Variants in NKAIN2 observed in about 807,000 individuals in gnomAD.
NKAIN2 encodes sodium/potassium-transporting ATPase subunit beta-1-interacting protein 2.
A neutral mutation model predicts 32.6 loss-of-function variants in NKAIN2; 14 were observed. That is an observed-to-expected ratio of 0.43 (90% confidence interval 0.28 to 0.67). NKAIN2 has a LOEUF of 0.67. Among genes scored for constraint, NKAIN2 ranks in the 30% least tolerant of loss-of-function variants. The probability of loss-of-function intolerance (pLI) is 0.17; values close to 1 mark genes in which losing one functional copy is unlikely to be tolerated. For missense variants in NKAIN2, 198 were observed against 258.3 expected, an observed-to-expected ratio of 0.77 and a Z score of 1.60; for synonymous variants, 80 against 87.2, an observed-to-expected ratio of 0.92 and a Z score of 0.46.
intron 1 of NKAIN2, among the ~76,000 whole-genome samples, chr6:124,034,334 A>C (rs1285468654): frequency 6.6e-6 from 1 of 151,892 alleles, no homozygotes; most frequent in African/African-American, 2.4e-5. Context: ...ATGTGCACCC[A>C]TTGTTTAGCT....
intron 3 of NKAIN2, among the ~76,000 whole-genome samples, chr6:124,563,030 G>A (rs1051488143): frequency 3.3e-5 from 5 of 150,568 alleles, no homozygotes; most frequent in East Asian, 3.9e-4. Context: ...TCAGCCTCCC[G>A]AGTAGCTGGG....
intron 2 of NKAIN2, among the ~76,000 whole-genome samples, chr6:124,295,633 A>C (rs1325609355): frequency 6.6e-6 from 1 of 152,154 alleles, no homozygotes; most frequent in Non-Finnish European, 1.5e-5. Flanking sequence ...AATTAGTATC[A>C]TTTGTAATCT....
chr6:123,878,583 C>A (rs1773289328), intron 1 of NKAIN2, among the ~76,000 whole-genome samples: 1 of 152,000 alleles, frequency 6.6e-6, no homozygotes, highest in Non-Finnish European at 1.5e-5. Context: ...AGGCTATACT[C>A]CATGTTGTGT....
intron 3 of NKAIN2, among the ~76,000 whole-genome samples, chr6:124,435,296 A>G (rs1314399168): frequency 6.6e-6 from 1 of 152,106 alleles, no homozygotes; most frequent in Non-Finnish European, 1.5e-5. Flanking sequence ...ATTAAGTTGT[A>G]TGGAGCAGAA....
intron 4 of NKAIN2, among the ~76,000 whole-genome samples, chr6:124,781,105 T>C (rs1194811639): frequency 6.6e-6 from 1 of 152,168 alleles, no homozygotes; most frequent in Non-Finnish European, 1.5e-5. Flanking sequence ...TTTAAGTGAA[T>C]GTGAATTCAC....
intron 1 of NKAIN2, among the ~76,000 whole-genome samples, chr6:124,274,177 C>G (rs534535617): frequency 6.6e-6 from 1 of 152,134 alleles, no homozygotes; most frequent in South Asian, 2.1e-4. Flanking sequence ...ATTCTATTAA[C>G]TGCATTGATA....
intron 4 of NKAIN2, among the ~76,000 whole-genome samples, chr6:124,711,607 G>A (rs896307973): frequency 4.7e-5 from 7 of 149,758 alleles, no homozygotes; most frequent in Admixed American, 2.0e-4. Flanking sequence ...CCAGTTGATC[G>A]CATCGGCTCC....
chr6:124,027,911 T>C (rs544507976), intron 1 of NKAIN2, among the ~76,000 whole-genome samples: 2 of 152,232 alleles, frequency 1.3e-5, no homozygotes, highest in South Asian at 2.1e-4. Flanking sequence ...TTAATCAAAA[T>C]GTGTGGAGGC....
intron 1 of NKAIN2, among the ~76,000 whole-genome samples, chr6:124,059,711 T>G (rs376918803): frequency 6.6e-6 from 1 of 152,186 alleles, no homozygotes; most frequent in Non-Finnish European, 1.5e-5. Context: ...AGCTTCCATT[T>G]GGTCTTTGGC....
intron 3 of NKAIN2, among the ~76,000 whole-genome samples, chr6:124,535,667 GT>G (rs752077101): frequency 8.5e-5 from 13 of 152,144 alleles, no homozygotes; most frequent in Non-Finnish European, 1.8e-4. Flanking sequence ...CCATGTGTCT[GT>G]TTACACTGAA....
chr6:124,344,312 C>G (rs974697600), intron 2 of NKAIN2, among the ~76,000 whole-genome samples: 1 of 151,962 alleles, frequency 6.6e-6, no homozygotes, highest in African/African-American at 2.4e-5. Context: ...CTTGGTGATG[C>G]GGGCTCTTTT....
chr6:124,679,939 T>G (rs1185225429), intron 4 of NKAIN2, among the ~76,000 whole-genome samples: 1 of 152,260 alleles, frequency 6.6e-6, no homozygotes, highest in Non-Finnish European at 1.5e-5. Context: ...TTAGGCAAAA[T>G]TTTTAAATGT....
chr6:124,767,433 G>A (rs1317645191), intron 4 of NKAIN2, among the ~76,000 whole-genome samples: 2 of 152,060 alleles, frequency 1.3e-5, no homozygotes, highest in Non-Finnish European at 2.9e-5. Context: ...CTAATCCTGA[G>A]GAAATCACTT....
intron 1 of NKAIN2, among the ~76,000 whole-genome samples, chr6:123,916,835 A>ATCTATCTG (rs1266190744): frequency 1.3e-5 from 2 of 151,036 alleles, no homozygotes; most frequent in Non-Finnish European, 3.0e-5. Flanking sequence ...CTATTTATCT[A>ATCTATCTG]TCTATCCTAC....
intron 3 of NKAIN2, among the ~76,000 whole-genome samples, chr6:124,370,683 A>G (rs1488745274): frequency 6.6e-6 from 1 of 152,122 alleles, no homozygotes; most frequent in Non-Finnish European, 1.5e-5. Flanking sequence ...TGACAGAAAA[A>G]TCTCTAGTGA....
chr6:124,658,285 G>T lies in NKAIN2; in HGVS notation c.373G>T (p.Asp125Tyr), dbSNP rs530651093. 5.0e-5 allele frequency: 81 copies of T among 1,614,138 alleles called. No homozygotes were observed. Among genetic ancestry groups the T allele is most frequent in the Middle Eastern group, 3.3e-4 (2 of 6,058 alleles). ...GGTGACGTCAGTGACACCTGCCCCA[G>T]ACTGGGCCCCAGAAGACCATCGCTA... ...CTVTSVTPAP[D>Y]WAPEDHRYIT... The change falls in exon 4 of 7, where the codon GAC becomes TAC. Residue 125 changes from aspartate (D) to tyrosine (Y), a missense_variant. By Grantham distance (160) the Asp-to-Tyr change is radical. Transcript: ENST00000368417.
intron 3 of NKAIN2, among the ~76,000 whole-genome samples, chr6:124,448,864 C>T (rs945862469): frequency 2.0e-5 from 3 of 152,100 alleles, no homozygotes; most frequent in African/African-American, 7.2e-5. Context: ...CCTGTTCCTA[C>T]CTGCTCTGAT....
chr6:124,097,382 A>G (rs1337943241), intron 1 of NKAIN2, among the ~76,000 whole-genome samples: 1 of 147,506 alleles, frequency 6.8e-6, no homozygotes, highest in African/African-American at 2.5e-5. Flanking sequence ...TGGCCTGGCA[A>G]CAGAGCAAGA....
At chr6:124,108,835 ATC>A (rs1175300459) in intron 1 of NKAIN2, among the ~76,000 whole-genome samples, 5 of 152,068 alleles carry the variant, frequency 3.3e-5, no homozygotes, top group African/African-American at 1.2e-4. Flanking sequence ...CTTGTCAAAG[ATC>A]AGTTGACCAC....
Sources: gnomAD v4.1 joint callset for allele counts (sites outside exome capture counted in the v4.1 genomes callset) on GRCh38, gnomAD v4.1.1 for gene constraint, MANE v1.5 for transcripts, NCBI Gene and HGNC (gene_info 2026-07-23, HGNC 2026-07-21) for gene names.